The following GALNT13 variants were observed in gnomAD, a reference collection of about 807,000 sequenced individuals.
GALNT13 encodes polypeptide N-acetylgalactosaminyltransferase 13, also known as UDP-GalNAc:polypeptide N-acetylgalactosaminyltransferase 13.
A neutral mutation model predicts 64.2 loss-of-function variants in GALNT13; 28 were observed. The observed-to-expected ratio is 0.44, with a 90% CI of 0.32 to 0.60. GALNT13 has a LOEUF of 0.60. Ranked by LOEUF, GALNT13 falls within the 20% of genes least tolerant of loss-of-function variation. The probability of loss-of-function intolerance (pLI) is 0.05; values close to 1 mark genes in which losing one functional copy is unlikely to be tolerated. For synonymous variants in GALNT13, 214 were observed against 224.6 expected (o/e 0.95, Z 0.42); for missense variants, 577 against 669.8 (o/e 0.86, Z 1.53).
At chr2:153,088,847 T>C in the GALNT13 span, among the ~76,000 whole-genome samples, 9 of 152,144 alleles carry the variant, frequency 5.9e-5, no homozygotes, top group African/African-American at 1.9e-4. Context: ...CTTTACCTTA[T>C]GTTTATGTGA....
At chr2:154,193,634 T>C (rs1285846170) in intron 4 of GALNT13, among the ~76,000 whole-genome samples, 6 of 152,194 alleles carry the variant, frequency 3.9e-5, no homozygotes, top group Non-Finnish European at 1.5e-5. Flanking sequence ...AAACTCTTGA[T>C]TCAGTGCTGC....
the GALNT13 span, among the ~76,000 whole-genome samples, chr2:153,552,473 C>T: frequency 6.6e-6 from 1 of 151,798 alleles, no homozygotes; most frequent in East Asian, 1.9e-4. Flanking sequence ...CTAATTCCAC[C>T]TTAATGTGAG....
chr2:154,375,398 T>A (rs144783329), intron 9 of GALNT13, among the ~76,000 whole-genome samples: 87 of 152,276 alleles, frequency 5.7e-4, no homozygotes, highest in African/African-American at 2.0e-3. Flanking sequence ...CACTTTAGCA[T>A]CACCCTCCGG....
the GALNT13 span, among the ~76,000 whole-genome samples, chr2:153,170,332 A>T: frequency 6.6e-6 from 1 of 152,178 alleles, no homozygotes; most frequent in Non-Finnish European, 1.5e-5. Context: ...AACAAATTTT[A>T]TCCAAAGAAA....
the GALNT13 span, among the ~76,000 whole-genome samples, chr2:153,277,749 C>T: frequency 1.3e-5 from 2 of 151,706 alleles, no homozygotes; most frequent in African/African-American, 2.4e-5. Context: ...GCCATTCTGA[C>T]TCATGTGAGA....
At chr2:154,122,602 G>T (rs1261211431) in intron 3 of GALNT13, among the ~76,000 whole-genome samples, 1 of 151,966 alleles carries the variant, frequency 6.6e-6, no homozygotes, top group Non-Finnish European at 1.5e-5. Context: ...TTCTACAACA[G>T]GTATAGGATT....
intron 9 of GALNT13, among the ~76,000 whole-genome samples, chr2:154,336,848 A>G (rs189654028): frequency 1.5e-4 from 23 of 152,230 alleles, no homozygotes; most frequent in African/African-American, 5.1e-4. Context: ...CTTGACTACA[A>G]GGTCCTTTTG....
the GALNT13 span, among the ~76,000 whole-genome samples, chr2:153,783,732 G>T: frequency 6.6e-6 from 1 of 152,120 alleles, no homozygotes; most frequent in African/African-American, 2.4e-5. Context: ...GAGTTCTCAT[G>T]AGATCTGATG....
chr2:154,280,582 A>G (rs2105938809), intron 8 of GALNT13, among the ~76,000 whole-genome samples: 1 of 152,204 alleles, frequency 6.6e-6, no homozygotes, highest in East Asian at 1.9e-4. Context: ...AGATGGAGAG[A>G]CTGAAGGAAA....
At chr2:153,870,617 G>A (rs1206424483), upstream of GALNT13, among the ~76,000 whole-genome samples, 1 of 151,668 alleles carries the variant, frequency 6.6e-6, no homozygotes, top group Non-Finnish European at 1.5e-5. Context: ...CAATGTAGGA[G>A]GAGACATTAA....
chr2:154,322,853 G>C (rs1694698143), intron 9 of GALNT13, among the ~76,000 whole-genome samples: 2 of 152,028 alleles, frequency 1.3e-5, no homozygotes, highest in African/African-American at 4.8e-5. Flanking sequence ...CTGGCAAATG[G>C]GCTGTTCTGC....
At chr2:154,191,443 A>G (rs1237771770) in intron 4 of GALNT13, among the ~76,000 whole-genome samples, 4 of 152,304 alleles carry the variant, frequency 2.6e-5, no homozygotes, top group Non-Finnish European at 5.9e-5. Flanking sequence ...TTCGGATGAG[A>G]TTTAACAGAG....
chr2:153,957,885 G>A lies in GALNT13; in HGVS notation c.142+13246G>A, dbSNP rs968961929. On this transcript the variant is annotated intron_variant, in intron 3 of 12. Coordinates refer to ENST00000392825, the MANE Select transcript of GALNT13 (RefSeq NM_052917.4). ...AGCAAGTAGATTATTTGTAAGTCAT[G>A]ATGAGTTAAATCAAAGAACATGGTC... Among the ~76,000 whole-genome samples the A allele has an allele frequency of 3.3e-5, 5 of 152,080 alleles. 1 individual carries two copies. The highest frequency in any genetic ancestry group is 7.4e-5 in the Non-Finnish European group (5 of 68,012).
At chr2:153,411,179 A>ATATT in the GALNT13 span, among the ~76,000 whole-genome samples, 4 of 128,304 alleles carry the variant, frequency 3.1e-5, no homozygotes, top group Non-Finnish European at 5.3e-5. Context: ...ATATATATAT[A>ATATT]TTTTTTTTTT....
rs144976058 is a variant in GALNT13 at position 153,905,341 on chromosome 2, G to A, written c.-105+4334G>A. On this transcript the variant is annotated intron_variant, in intron 2 of 12. Coordinates refer to ENST00000392825, the MANE Select transcript of GALNT13 (RefSeq NM_052917.4). ...AGATCCCCAGTGGATGCCTGAAACT[G>A]CAAATAGTACTAAACCTTATATATA... Among the ~76,000 whole-genome samples, 164 of 151,902 alleles carry A rather than the reference G, an allele frequency of 1.1e-3. 1 individual carries two copies. Among genetic ancestry groups the A allele is most frequent in the African/African-American group, 3.6e-3 (149 of 41,466 alleles).
Position 154,259,105 on chromosome 2 carries a change from C to T in GALNT13, c.942C>T (p.Ile314=), listed in dbSNP as rs1690548606. ...GAACTTACGATGCAGGAATGGATAT[C>T]TGGGGTGGAGAGAATCTTGAAATGT... ...EIGTYDAGMD[I]WGGENLEMSF... The change falls in exon 8 of 13, where the codon ATC becomes ATT. Residue 314 remains isoleucine (I), a synonymous_variant. Coordinates refer to ENST00000392825, the MANE Select transcript of GALNT13 (RefSeq NM_052917.4). 2 of 1,601,240 alleles carry T rather than the reference C, an allele frequency of 1.2e-6. No individual in the cohort carries two copies. Among genetic ancestry groups the T allele is most frequent in the Non-Finnish European group, 1.7e-6 (2 of 1,171,724 alleles).
At chr2:153,972,884 G>A (rs2105132185) in intron 3 of GALNT13, among the ~76,000 whole-genome samples, 1 of 152,092 alleles carries the variant, frequency 6.6e-6, no homozygotes, top group East Asian at 1.9e-4. Context: ...TAACACTTTA[G>A]AGTTAGTAAT....
At chr2:154,267,596 T>C (rs913940223) in intron 8 of GALNT13, among the ~76,000 whole-genome samples, 8 of 152,064 alleles carry the variant, frequency 5.3e-5, no homozygotes, top group African/African-American at 1.7e-4. Context: ...GCCGAGATAG[T>C]GCCACTGCAC....
At chr2:154,117,812 G>A (rs1249309215) in intron 3 of GALNT13, among the ~76,000 whole-genome samples, 1 of 152,178 alleles carries the variant, frequency 6.6e-6, no homozygotes, top group African/African-American at 2.4e-5. Context: ...CTGGATCATT[G>A]TCTGTCACCT....
Sources: allele counts gnomAD v4.1 joint callset (sites outside exome capture counted in the v4.1 genomes callset), GRCh38; gene constraint gnomAD v4.1.1; transcripts MANE v1.5; gene names NCBI Gene and HGNC (gene_info 2026-07-23, HGNC 2026-07-21).